The following TBCD variants were observed in gnomAD, a reference collection of about 807,000 sequenced individuals.
TBCD encodes the protein tubulin folding cofactor D, also known as tubulin-specific chaperone D.
In TBCD, 105 loss-of-function variants were observed where a neutral mutation model predicts 169.3. The ratio of observed to expected loss-of-function variants is 0.62; its 90% CI spans 0.53 to 0.73. TBCD has a LOEUF of 0.73. TBCD is among the 30% of genes least tolerant of loss of function. The pLI is 0.00. For synonymous variants in TBCD, 700 were observed against 643.9 expected (o/e 1.09, Z -1.32); for missense variants, 1,444 against 1,600.1 (o/e 0.90, Z 1.66).
At chr17:82,800,250 G>T (rs113606094) in intron 8 of TBCD, among the ~76,000 whole-genome samples, 1 of 152,032 alleles carries the variant, frequency 6.6e-6, no homozygotes, top group Non-Finnish European at 1.5e-5. Context: ...GCTTGCCCTC[G>T]TCGCAGCACC....
intron 14 of TBCD, among the ~76,000 whole-genome samples, chr17:82,871,502 G>A (rs924178399): frequency 1.3e-5 from 2 of 152,224 alleles, no homozygotes; most frequent in African/African-American, 4.8e-5. Context: ...ATGAACTAGG[G>A]AAACTGACTT....
chr17:82,909,218 G>C (rs556514449), intron 21 of TBCD, 67 bp from the exon 22 acceptor site: 2 of 1,254,096 alleles, frequency 1.6e-6, no homozygotes, highest in Admixed American at 4.2e-5. Flanking sequence ...GTTTTTGACA[G>C]TTGTTAACGT....
intron 30 of TBCD, among the ~76,000 whole-genome samples, chr17:82,928,656 C>T (rs963515906): frequency 3.9e-5 from 6 of 152,094 alleles, no homozygotes; most frequent in East Asian, 1.9e-4. Flanking sequence ...GACACTCGGC[C>T]GTGGGGATCC....
chr17:82,880,476 A>G lies in TBCD; in HGVS notation c.1476-3669A>G, dbSNP rs981726819. 2.0e-5 allele frequency among the ~76,000 whole-genome samples: 3 copies of G among 152,230 alleles called. No individual in the cohort carries two copies. The highest frequency in any genetic ancestry group is 4.4e-5 in the Non-Finnish European group (3 of 68,038). The stretch of plus-strand genomic sequence containing the variant: ...TTGGGAGTGGGTATTATTCTGCTGA[A>G]GACAAGGGTGGGGACAGATATGCTG... On this transcript the variant is annotated intron_variant, in intron 14 of 38. Coordinates refer to ENST00000355528, the MANE Select transcript of TBCD (RefSeq NM_005993.5). The surrounding 1 kb of genome is among the most constrained non-coding windows in gnomAD (Gnocchi z 5.0).
Position 82,927,685 on chromosome 17 carries a change from C to T in TBCD, c.2610-220C>T, listed in dbSNP as rs906636048. Among the ~76,000 whole-genome samples, 8 of 152,094 alleles carry T rather than the reference C, an allele frequency of 5.3e-5. No homozygotes were observed. In the South Asian group the frequency reaches 6.2e-4, roughly 12 times the overall value. On this transcript the variant is annotated intron_variant, in intron 29 of 38. Coordinates refer to ENST00000355528, the MANE Select transcript of TBCD (RefSeq NM_005993.5). The stretch of plus-strand genomic sequence containing the variant: ...AAACGCCTGTGTGTGTAGGATGCCT[C>T]GGGGCCCCGGTGTGTGTGGCTGTGG...
At chr17:82,933,167 C>T (rs1360561023) in intron 34 of TBCD, among the ~76,000 whole-genome samples, 1 of 152,104 alleles carries the variant, frequency 6.6e-6, no homozygotes, top group Non-Finnish European at 1.5e-5. Context: ...GCTTCTGCGC[C>T]ACGCGGATGC....
At chr17:82,882,025 C>T (rs2058391403) in intron 14 of TBCD, among the ~76,000 whole-genome samples, 1 of 152,166 alleles carries the variant, frequency 6.6e-6, no homozygotes, top group Non-Finnish European at 1.5e-5. Flanking sequence ...CCCACCCAAC[C>T]TTTGGCCTCT....
At chr17:82,800,512 C>T (rs993199980) in intron 8 of TBCD, among the ~76,000 whole-genome samples, 2 of 151,370 alleles carry the variant, frequency 1.3e-5, no homozygotes, top group Non-Finnish European at 3.0e-5. Context: ...ACAGCATGCC[C>T]GTGGCCTGCG....
chr17:82,752,821 G>A (rs1275599143), intron 1 of TBCD, among the ~76,000 whole-genome samples: 3 of 152,208 alleles, frequency 2.0e-5, no homozygotes, highest in Non-Finnish European at 4.4e-5. Flanking sequence ...ATGTTGTGTG[G>A]ACAGGGAGAT....
intron 7 of TBCD, among the ~76,000 whole-genome samples, chr17:82,785,866 C>T (rs1485742071): frequency 6.9e-6 from 1 of 145,836 alleles, no homozygotes; most frequent in African/African-American, 2.6e-5. Context: ...GGGGTCCATG[C>T]TGTGTGACTG....
At chr17:82,940,131 G>A (rs1223220856) in intron 37 of TBCD, among the ~76,000 whole-genome samples, 4 of 152,036 alleles carry the variant, frequency 2.6e-5, no homozygotes, top group Non-Finnish European at 5.9e-5. Flanking sequence ...TGGGCCAACC[G>A]GTATGTTCCT....
chr17:82,846,208 G>GCGTGC lies in TBCD; in HGVS notation c.1319-24015_1319-24014insGTGCC, dbSNP rs1182977964. Among the ~76,000 whole-genome samples the GCGTGC allele has an allele frequency of 9.4e-4, 89 of 94,288 alleles. 10 individuals carry two copies. Among genetic ancestry groups the GCGTGC allele is most frequent in the African/African-American group, 1.8e-3 (56 of 30,432 alleles). The allele number at this position is 94,288 out of a possible 152,430, so 61.9% of individuals were successfully genotyped here. A position where few individuals can be genotyped will look rare whatever the true frequency, so the allele number is the denominator to read the frequency against. ...TGCCTCCCTCCACGTGCTGCGTCCG[G>GCGTGC]CATGCCACGTCCCCTCGTCCAGCCC... On this transcript the variant is annotated intron_variant, in intron 13 of 38. Transcript: ENST00000355528.
rs896297096 is a variant in TBCD, at chr17:82,864,774, C to T, written c.1319-5450C>T. Among the ~76,000 whole-genome samples the T allele has an allele frequency of 3.9e-5, 6 of 152,016 alleles. No homozygotes were observed. Among genetic ancestry groups the T allele is most frequent in the East Asian group, 1.9e-4 (1 of 5,170 alleles). ...GCAGAGCAGGTGATGCATATCCGGG[C>T]GCCCACCCTAGCAGCACAGGAAGGG... is the stretch of plus-strand genomic sequence containing the variant. On this transcript the variant is annotated intron_variant, in intron 13 of 38. Coordinates refer to ENST00000355528, the MANE Select transcript of TBCD (RefSeq NM_005993.5). This position sits in a 1 kb window ranked among gnomAD's most constrained non-coding sequence, Gnocchi z 6.3.
chr17:82,772,395 T>TC, intron 5 of TBCD, 57 bp from the exon 6 acceptor site: 1 of 1,586,912 alleles, frequency 6.3e-7, no homozygotes, highest in Non-Finnish European at 8.7e-7. Flanking sequence ...CTGTGTGGTG[T>TC]CCCCAAGGCT....
Position 82,874,984 on chromosome 17 carries a change from C to T in TBCD, c.1475+4604C>T, listed in dbSNP as rs545670426. Among the ~76,000 whole-genome samples, 11 of 152,186 alleles carry T rather than the reference C, an allele frequency of 7.2e-5. No homozygotes were observed. The highest frequency in any genetic ancestry group is 1.9e-4 in the East Asian group (1 of 5,204). On this transcript the variant is annotated intron_variant, in intron 14 of 38. Coordinates refer to ENST00000355528, the MANE Select transcript of TBCD (RefSeq NM_005993.5). The surrounding 1 kb of genome is among the most constrained non-coding windows in gnomAD (Gnocchi z 5.0). ...TCGCAGGGAAATGGAAATGCCTGAT[C>T]GAGCTGGGCGGTGGCAGCAGCCGCT...
rs1372666727 is a variant in TBCD at position 82,874,490 on chromosome 17, A to T, written c.1475+4110A>T. ...GCTGGGGCCTCAGGGCTCGCAGCTC[A>T]CAGGCTTCTGACGCCTCAGCCTGGA... On this transcript the variant is annotated intron_variant, in intron 14 of 38. Coordinates refer to ENST00000355528, the MANE Select transcript of TBCD (RefSeq NM_005993.5). This position sits in a 1 kb window ranked among gnomAD's most constrained non-coding sequence, Gnocchi z 5.0. Among the ~76,000 whole-genome samples the T allele has an allele frequency of 6.6e-6, 1 of 151,644 alleles. No individual in the cohort carries two copies. Among genetic ancestry groups the T allele is most frequent in the East Asian group, 2.0e-4 (1 of 5,124 alleles).
rs1178381061 is a variant in TBCD, at chr17:82,806,329, C to T, written c.1087+318C>T. 2.6e-5 allele frequency among the ~76,000 whole-genome samples: 4 copies of T among 152,164 alleles called. No homozygotes were observed. The highest frequency in any genetic ancestry group is 5.9e-5 in the Non-Finnish European group (4 of 68,008). On this transcript the variant is annotated intron_variant, in intron 10 of 38. Coordinates refer to ENST00000355528, the MANE Select transcript of TBCD (RefSeq NM_005993.5). The surrounding 1 kb of genome is among the most constrained non-coding windows in gnomAD (Gnocchi z 5.1). ...CTCCCAGGAAATTGAGTTGGGGTCC[C>T]TGGGGCTCAGGTCTCTGGCTCCTTG...
rs370792087 is a variant in TBCD at position 82,879,528 on chromosome 17, TGAGCCCTTCTG to T, written c.1476-4615_1476-4605del. On this transcript the variant is annotated intron_variant, in intron 14 of 38. Transcript: ENST00000355528. ...TAGCGTTGCCAGGCCATCGCTCGGGTGAGCCCTTCTGGTGCTGCTGGTCTGGGATGCAGACA... is the reference window on the plus strand; with the variant it reads ...TAGCGTTGCCAGGCCATCGCTCGGGTGTGCTGCTGGTCTGGGATGCAGACA... Among the ~76,000 whole-genome samples, 1,332 of 152,316 alleles carry T rather than the reference TGAGCCCTTCTG, an allele frequency of 8.7e-3. 10 individuals carry two copies. Among genetic ancestry groups the T allele is most frequent in the Middle Eastern group, 0.041 (12 of 292 alleles).
chr17:82,916,739 T>G (rs2061063263), intron 23 of TBCD, among the ~76,000 whole-genome samples: 1 of 152,186 alleles, frequency 6.6e-6, no homozygotes, highest in Non-Finnish European at 1.5e-5. Context: ...TTCAGCACTT[T>G]TACCGTGATA....
Sources: gnomAD v4.1 joint callset for allele counts (sites outside exome capture counted in the v4.1 genomes callset) on GRCh38, gnomAD v4.1.1 for gene constraint, Gnocchi (gnomAD v3.1) non-coding constraint, MANE v1.5 for transcripts, NCBI Gene and HGNC (gene_info 2026-07-23, HGNC 2026-07-21) for gene names.